The following CDC20 variants were observed in gnomAD, a reference collection of about 807,000 sequenced individuals.
CDC20 encodes the protein cell division cycle 20, also known as cell division cycle protein 20 homolog.
CDC20 carries 34 observed loss-of-function variants against 60.0 expected under a neutral mutation model. That is an observed-to-expected ratio of 0.57 (90% CI 0.43 to 0.75). The LOEUF is 0.75. Among genes scored for constraint, CDC20 ranks in the 30% least tolerant of loss-of-function variants. The probability of loss-of-function intolerance (pLI) is 0.00; values close to 1 mark genes in which losing one functional copy is unlikely to be tolerated. For missense variants in CDC20, 469 were observed against 647.3 expected, an observed-to-expected ratio of 0.72 and a Z score of 2.99; for synonymous variants, 198 against 243.5, an observed-to-expected ratio of 0.81 and a Z score of 1.74.
intron 10 of CDC20, 108 bp from the exon 11 acceptor site, chr1:43,362,843 T>G: frequency 2.6e-6 from 2 of 779,852 alleles, no homozygotes; most frequent in South Asian, 3.8e-5. Flanking sequence ...CCAGCCTGGG[T>G]GACAGAGCAA....
At position 43,362,263 on chromosome 1, in the gene CDC20, G is replaced by A; in HGVS notation, c.1272G>A (p.Gln424=). ...CAGGCCATGGCTTTGCACAGAACCAGCTAGTTATTTGGAAGTACCCAACCA... is the reference window on the plus strand; with the variant it reads ...CAGGCCATGGCTTTGCACAGAACCAACTAGTTATTTGGAAGTACCCAACCA... ...LISGHGFAQN[Q]LVIWKYPTMA... Residue 424 remains glutamine, a synonymous_variant, in exon 10 of 11, where the codon CAG becomes CAA. Coordinates refer to ENST00000310955, the MANE Select transcript of CDC20 (RefSeq NM_001255.3). The A allele has an allele frequency of 6.2e-7, 1 of 1,611,304 alleles. No individual in the cohort carries two copies. Among genetic ancestry groups the A allele is most frequent in the Non-Finnish European group, 8.5e-7 (1 of 1,177,402 alleles).
In CDC20 at chr1:43,363,156, T is replaced by C; in HGVS notation, c.*27T>C. On this transcript the variant is annotated 3_prime_UTR_variant, in exon 11 of 11. Transcript: ENST00000310955. ...GACCAACCCATCACCTCAGTTGTTT[T>C]TTATTTTTCTAATAAAGTCATGTCT... 3 of 1,592,914 alleles carry C rather than the reference T, an allele frequency of 1.9e-6. No individual in the cohort carries two copies. The highest frequency in any genetic ancestry group is 8.5e-7 in the Non-Finnish European group (1 of 1,170,876).
chr1:43,360,661 G>A (rs1380592172), intron 7 of CDC20, 68 bp downstream of exon 7: 4 of 1,572,134 alleles, frequency 2.5e-6, no homozygotes, highest in Non-Finnish European at 3.5e-6. Flanking sequence ...GTACACCCCT[G>A]AACTGAACCA....
In CDC20 at chr1:43,361,123, G is replaced by A. The variant is rs1801456; in HGVS notation, c.1081G>A (p.Val361Ile). ...ACCCCACCTTTATTCCATCTAGGCC[G>A]TAGCATGGTGTCCCTGGCAGTCCAA... is the stretch of plus-strand genomic sequence containing the variant. ...FTQHQGAVKA[V>I]AWCPWQSNVL... Residue 361 changes from valine (V) to isoleucine (I), a missense_variant, in exon 9 of 11, where the codon GTA (valine) becomes ATA (isoleucine). Physicochemically the swap from Val to Ile is conservative, Grantham distance 29. Around this residue, in one of 5 missense-constraint regions of CDC20, gnomAD observed 255 missense variants for 326.7 expected, o/e 0.78. Coordinates refer to ENST00000310955, the MANE Select transcript of CDC20 (RefSeq NM_001255.3). 11,141 of 1,614,008 alleles carry A rather than the reference G, an allele frequency of 6.9e-3. 78 individuals are homozygous for A. The highest frequency in any genetic ancestry group is 0.018 in the South Asian group (1,641 of 91,076).
chr1:43,360,355 A>G lies in CDC20; in HGVS notation c.719A>G (p.Tyr240Cys), dbSNP rs974498501. The G allele has an allele frequency of 3.7e-6, 6 of 1,614,088 alleles. No individual in the cohort carries two copies. The highest frequency in any genetic ancestry group is 5.1e-6 in the Non-Finnish European group (6 of 1,180,042). The change falls in exon 6 of 11, where the codon TAC becomes TGC. Residue 240 changes from tyrosine to cysteine, a missense_variant. By Grantham distance (194) the Tyr-to-Cys change is radical (BLOSUM62 -2). Coordinates refer to ENST00000310955, the MANE Select transcript of CDC20 (RefSeq NM_001255.3). ...GTGGCCTGGATCAAAGAGGGCAACT[A>G]CTTGGCTGTGGGCACCAGCAGTGCT... The part of the protein sequence containing the change: ...SSVAWIKEGN[Y>C]LAVGTSSAEV...
rs766915890 is a variant in CDC20, at chr1:43,362,906, T to C, written c.1322-45T>C. On this transcript the variant is annotated intron_variant, in intron 10 of 10. Coordinates refer to ENST00000310955, the MANE Select transcript of CDC20 (RefSeq NM_001255.3). ...GGTGGCCCAGTGCCTCCTTTATGGC[T>C]ATGGCTGCATCAGCATTCGTATGTA... is the stretch of plus-strand genomic sequence containing the variant. 2.1e-6 allele frequency: 3 copies of C among 1,442,972 alleles called. No individual in the cohort carries two copies. In the Admixed American group the frequency reaches 7.4e-5, roughly 36 times the overall value. The allele number at this position is 1,442,972 out of a possible 1,614,324, so 89.4% of individuals were successfully genotyped here.
chr1:43,361,002 A>G, intron 8 of CDC20, 41 bp downstream of exon 8: 1 of 1,591,324 alleles, frequency 6.3e-7, no homozygotes, highest in Non-Finnish European at 8.6e-7. Flanking sequence ...ACCCTCACCT[A>G]TAATCTGGGG....
chr1:43,359,384 G>C lies in CDC20; in HGVS notation c.169G>C (p.Gly57Arg), dbSNP rs148504469. 1.9e-5 allele frequency: 31 copies of C among 1,612,742 alleles called. No homozygotes were observed. Among genetic ancestry groups the C allele is most frequent in the Non-Finnish European group, 2.6e-5 (31 of 1,179,560 alleles). ...NRSHSAGRTPGRTPGKSSSKV... is the reference protein window; with the variant it reads ...NRSHSAGRTPRRTPGKSSSKV... ...ATCCCACAGCGCCGGCAGGACTCCG[G>C]GCCGAACTCCTGGTCAGTGAGGTGC... Residue 57 changes from glycine (G) to arginine (R), a missense_variant, in exon 2 of 11, where the codon GGC (glycine) becomes CGC (arginine). Physicochemically the swap from Gly to Arg is moderately radical, Grantham distance 125. Around this residue, in one of 5 missense-constraint regions of CDC20, gnomAD observed 115 missense variants for 156.1 expected, o/e 0.74. Coordinates refer to ENST00000310955, the MANE Select transcript of CDC20 (RefSeq NM_001255.3).
Position 43,361,310 on chromosome 1 carries a change from A to G in CDC20, c.1203+65A>G, listed in dbSNP as rs995984602. On this transcript the variant is annotated intron_variant, in intron 9 of 10. Transcript: ENST00000310955. Reference sequence around the variant, plus strand: ...TTACCGGGCAACTACATTCACTCCAATGGCTTCACCAACTCTATGCCCTGG... The same window carrying G: ...TTACCGGGCAACTACATTCACTCCAGTGGCTTCACCAACTCTATGCCCTGG... 39 of 1,452,520 alleles carry G rather than the reference A, an allele frequency of 2.7e-5. No homozygotes were observed. The Admixed American group carries it at 3.1e-4, about 11-fold the overall frequency. The allele number at this position is 1,452,520 out of a possible 1,614,324, so 90.0% of individuals were successfully genotyped here.
At chr1:43,362,057 A>C in intron 9 of CDC20, 138 bp from the exon 10 acceptor site, 1 of 569,498 alleles carries the variant, frequency 1.8e-6, no homozygotes, top group Non-Finnish European at 3.2e-6. Context: ...TTTGCCTCTC[A>C]AGGAACTTTT....
intron 9 of CDC20, among the ~76,000 whole-genome samples, chr1:43,361,576 T>C (rs1647172872): frequency 6.6e-6 from 1 of 152,224 alleles, no homozygotes; most frequent in Non-Finnish European, 1.5e-5. Context: ...CCAGGATCTA[T>C]CAGTTTTACC....
At position 43,362,176 on chromosome 1, in the gene CDC20, C is replaced by A; in HGVS notation, c.1204-19C>A. 1 of 1,507,158 alleles carries A rather than the reference C, an allele frequency of 6.6e-7. No individual in the cohort carries two copies. The highest frequency in any genetic ancestry group is 9.2e-7 in the Non-Finnish European group (1 of 1,083,798). 93.4% of individuals were successfully genotyped at this position (1,507,158 alleles called of 1,614,324 possible). On this transcript the variant is annotated intron_variant, in intron 9 of 10. Coordinates refer to ENST00000310955, the MANE Select transcript of CDC20 (RefSeq NM_001255.3). ...TAGCCTTGGCTATATGTCATGCCCA[C>A]ACCAGCTCCTCTCCACAGGTGTGCT... is the stretch of plus-strand genomic sequence containing the variant.
At position 43,359,658 on chromosome 1, in the gene CDC20, T is replaced by G; in HGVS notation, c.330+20T>G. The G allele has an allele frequency of 6.2e-7, 1 of 1,612,772 alleles. No individual in the cohort carries two copies. The highest frequency in any genetic ancestry group is 8.5e-7 in the Non-Finnish European group (1 of 1,179,804). ...AAGAAGGTATGTGTCCCAGAGGGGC[T>G]TAAGGCACGGGACCTGACTGTTCTT... On this transcript the variant is annotated intron_variant, in intron 3 of 10. Transcript: ENST00000310955.
Position 43,362,947 on chromosome 1 carries a change from C to A in CDC20, c.1322-4C>A. The stretch of plus-strand genomic sequence containing the variant: ...TTCGTATGTACTGTTCTCATTTGCT[C>A]CAGGTCACACATCCCGGGTCCTGAG... On this transcript the variant is annotated splice_polypyrimidine_tract_variant and splice_region_variant and intron_variant, in intron 10 of 10. Transcript: ENST00000310955. 6.3e-7 allele frequency: 1 copy of A among 1,586,922 alleles called. No homozygotes were observed. The highest frequency in any genetic ancestry group is 8.5e-7 in the Non-Finnish European group (1 of 1,170,646).
At chr1:43,360,438 A>G (rs1389745302) in intron 6 of CDC20, 49 bp downstream of exon 6, 2 of 1,608,850 alleles carry the variant, frequency 1.2e-6, no homozygotes, top group African/African-American at 1.3e-5. Flanking sequence ...ATGGGCTTGC[A>G]CAGCTGGAGG....
In CDC20 at chr1:43,359,227, C is replaced by A; in HGVS notation, c.12C>A (p.Phe4Leu). MAQFAFESDLHSLL... is the reference protein window; with the variant it reads MAQLAFESDLHSLL... ...CTGCGGGCGCTCCCATGGCACAGTT[C>A]GCGTTCGAGAGTGACCTGCACTCGC... The change falls in exon 2 of 11, where the codon TTC becomes TTA. Residue 4 changes from phenylalanine to leucine, a missense_variant. Physicochemically the swap from Phe to Leu is conservative, Grantham distance 22. Around this residue, in one of 5 missense-constraint regions of CDC20, gnomAD observed 115 missense variants for 156.1 expected, o/e 0.74. Transcript: ENST00000310955. 2 of 1,611,636 alleles carry A rather than the reference C, an allele frequency of 1.2e-6. No individual in the cohort carries two copies. Among genetic ancestry groups the A allele is most frequent in the Non-Finnish European group, 1.7e-6 (2 of 1,179,902 alleles).
Position 43,360,727 on chromosome 1 carries a change from C to T in CDC20, c.849-6C>T. The T allele has an allele frequency of 6.2e-7, 1 of 1,610,744 alleles. No homozygotes were observed. The highest frequency in any genetic ancestry group is 1.1e-5 in the South Asian group (1 of 90,966). On this transcript the variant is annotated splice_region_variant and splice_polypyrimidine_tract_variant and intron_variant, in intron 7 of 10. Coordinates refer to ENST00000310955, the MANE Select transcript of CDC20 (RefSeq NM_001255.3). ...CAGAACCTGATTCCCTTCTTTCCTC[C>T]TCCAGTGGTTCACGTTCTGGCCACA...
At position 43,360,018 on chromosome 1, in the gene CDC20, C is replaced by T. The variant is rs138180126; in HGVS notation, c.477C>T (p.Gly159=). The part of the protein sequence containing the change: ...KVLYSQKATP[G]SSRKTCRYIP... ...TCTACAGCCAAAAGGCCACTCCTGG[C>T]TCCAGCCGGAAGACCTGCCGTTACA... Residue 159 remains glycine (G), a synonymous_variant, in exon 5 of 11, where the codon GGC becomes GGT. Coordinates refer to ENST00000310955, the MANE Select transcript of CDC20 (RefSeq NM_001255.3). The T allele has an allele frequency of 1.2e-5, 20 of 1,614,070 alleles. No homozygotes were observed. The highest frequency in any genetic ancestry group is 1.6e-5 in the Non-Finnish European group (19 of 1,180,026).
At chr1:43,362,850 G>A (rs1647178903) in intron 10 of CDC20, 101 bp from the exon 11 acceptor site, 1 of 821,624 alleles carries the variant, frequency 1.2e-6, no homozygotes, top group Admixed American at 2.7e-5. Context: ...GGGTGACAGA[G>A]CAAGTCTCAA....
Sources: gnomAD v4.1 joint callset for allele counts (sites outside exome capture counted in the v4.1 genomes callset) on GRCh38, gnomAD v4.1.1 for gene constraint, gnomAD v4.1.1 regional missense constraint, MANE v1.5 for transcripts, NCBI Gene and HGNC (gene_info 2026-07-23, HGNC 2026-07-21) for gene names.